NPAS3: variants seen among roughly 807,000 people sequenced by gnomAD.
The protein encoded by NPAS3 is neuronal PAS domain protein 3.
In NPAS3, 14 loss-of-function variants were observed where a neutral mutation model predicts 73.1. That is an observed-to-expected ratio of 0.19 (90% CI 0.13 to 0.30). NPAS3 has a LOEUF of 0.30. Among genes scored for constraint, NPAS3 ranks in the 10% least tolerant of loss-of-function variants. NPAS3 has a pLI of 1.00. For synonymous variants in NPAS3, 620 were observed against 541.5 expected (o/e 1.14, Z -2.01); for missense variants, 1,096 against 1,250.0 (o/e 0.88, Z 1.86).
At chr14:33,752,998 G>A (rs1258442704) in intron 7 of NPAS3, among the ~76,000 whole-genome samples, 1 of 152,130 alleles carries the variant, frequency 6.6e-6, no homozygotes, top group Non-Finnish European at 1.5e-5. Context: ...GCCCCAATCT[G>A]TGCATTATCT....
At chr14:33,215,365 C>T in exon 3 of NPAS3, 1 of 1,612,918 alleles carries the variant, frequency 6.2e-7, no homozygotes, top group Non-Finnish European at 8.5e-7. Flanking sequence ...ACTTTGCTAA[C>T]CAGGGGGACC....
upstream of NPAS3, among the ~76,000 whole-genome samples, chr14:32,938,258 C>A (rs892572398): frequency 3.3e-5 from 5 of 152,098 alleles, no homozygotes; most frequent in African/African-American, 7.2e-5. Context: ...GCGCACCCCC[C>A]ATCCGTATTG....
At chr14:33,094,410 G>T (rs2042335568) in intron 2 of NPAS3, among the ~76,000 whole-genome samples, 1 of 151,174 alleles carries the variant, frequency 6.6e-6, no homozygotes, top group Non-Finnish European at 1.5e-5. Flanking sequence ...TAAAATCTTT[G>T]ATCTTCCCTC....
At chr14:33,139,897 A>G (rs150000848) in intron 2 of NPAS3, among the ~76,000 whole-genome samples, 3,118 of 151,052 alleles carry the variant, frequency 0.021, 57 homozygotes, top group Middle Eastern at 0.043. Flanking sequence ...TTCCCTGTCT[A>G]CTTCCACTTC....
At chr14:33,316,349 G>A (rs758906938) in intron 3 of NPAS3, among the ~76,000 whole-genome samples, 4 of 152,024 alleles carry the variant, frequency 2.6e-5, no homozygotes, top group African/African-American at 9.7e-5. Context: ...TACGTGAGCA[G>A]CAATACATAG....
At chr14:33,061,262 A>G (rs1047936394) in intron 2 of NPAS3, among the ~76,000 whole-genome samples, 1 of 152,164 alleles carries the variant, frequency 6.6e-6, no homozygotes, top group Non-Finnish European at 1.5e-5. Context: ...AACCTGATTG[A>G]CTGATTGCTA....
chr14:33,457,787 G>A (rs2050087334), intron 4 of NPAS3, among the ~76,000 whole-genome samples: 2 of 152,110 alleles, frequency 1.3e-5, no homozygotes, highest in Non-Finnish European at 2.9e-5. Flanking sequence ...GCCTTGACAA[G>A]AATTATGGGA....
At chr14:33,424,520 T>C (rs929844931) in intron 4 of NPAS3, among the ~76,000 whole-genome samples, 3 of 151,812 alleles carry the variant, frequency 2.0e-5, no homozygotes, top group East Asian at 1.9e-4. Flanking sequence ...ATCTAGGCAA[T>C]GCATGATGAT....
intron 5 of NPAS3, among the ~76,000 whole-genome samples, chr14:33,656,319 G>C (rs919194408): frequency 6.6e-6 from 1 of 152,158 alleles, no homozygotes; most frequent in Non-Finnish European, 1.5e-5. Flanking sequence ...TATTACAGCT[G>C]CCAGTTATTA....
At chr14:33,567,443 T>C (rs990545270) in intron 5 of NPAS3, among the ~76,000 whole-genome samples, 1 of 152,208 alleles carries the variant, frequency 6.6e-6, no homozygotes, top group Non-Finnish European at 1.5e-5. Context: ...AGCTGAAAAT[T>C]GATGCCTTTT....
chr14:33,652,803 C>A (rs1035798369), intron 5 of NPAS3, among the ~76,000 whole-genome samples: 1 of 152,202 alleles, frequency 6.6e-6, no homozygotes, highest in Non-Finnish European at 1.5e-5. Context: ...ACCAGGCCAC[C>A]TTTTGTCCAC....
intron 3 of NPAS3, among the ~76,000 whole-genome samples, chr14:33,232,819 A>G (rs773048510): frequency 3.3e-5 from 5 of 152,214 alleles, no homozygotes; most frequent in Non-Finnish European, 5.9e-5. Context: ...TGATTAAGCA[A>G]TGCACAGAAA....
At chr14:33,666,603 A>G (rs879854081) in intron 5 of NPAS3, among the ~76,000 whole-genome samples, 15 of 152,342 alleles carry the variant, frequency 9.8e-5, no homozygotes, top group Middle Eastern at 6.8e-3. Context: ...GACCTACAGT[A>G]GTCTTGTCAA....
At chr14:33,149,381 C>T (rs1408664587) in intron 2 of NPAS3, among the ~76,000 whole-genome samples, 1 of 152,130 alleles carries the variant, frequency 6.6e-6, no homozygotes, top group Non-Finnish European at 1.5e-5. Context: ...TATTTAAAAA[C>T]TTCTGTATCA....
At chr14:33,149,954 G>A (rs1051520460) in intron 2 of NPAS3, among the ~76,000 whole-genome samples, 21 of 152,028 alleles carry the variant, frequency 1.4e-4, no homozygotes, top group Admixed American at 1.4e-3. Context: ...CCCCTGACAG[G>A]CCCCAGTGTG....
intron 3 of NPAS3, among the ~76,000 whole-genome samples, chr14:33,254,948 T>G (rs1397720215): frequency 4.6e-5 from 7 of 151,634 alleles, no homozygotes; most frequent in Non-Finnish European, 7.4e-5. Context: ...CTGGAAACAT[T>G]GGAGGAATTT....
chr14:33,143,330 AAAAATAC>A (rs1289624898), intron 2 of NPAS3, among the ~76,000 whole-genome samples: 2 of 152,014 alleles, frequency 1.3e-5, no homozygotes, highest in Non-Finnish European at 2.9e-5. Context: ...CGTTTCTACT[AAAAATAC>A]AAAATTAGCC....
At chr14:33,743,265 C>T (rs1299207533) in intron 7 of NPAS3, among the ~76,000 whole-genome samples, 1 of 152,190 alleles carries the variant, frequency 6.6e-6, no homozygotes, top group Admixed American at 6.5e-5. Flanking sequence ...CAAAATTACT[C>T]TTTAATCTAT....
chr14:33,761,324 A>G (rs1259973876), intron 7 of NPAS3, among the ~76,000 whole-genome samples: 1 of 152,172 alleles, frequency 6.6e-6, no homozygotes, highest in African/African-American at 2.4e-5. Flanking sequence ...ACTTCATTCA[A>G]AAGACTGATC....
Sources: allele counts gnomAD v4.1 joint callset (sites outside exome capture counted in the v4.1 genomes callset), GRCh38; gene constraint gnomAD v4.1.1; transcripts MANE v1.5; gene names NCBI Gene and HGNC (gene_info 2026-07-23, HGNC 2026-07-21).